The following GPC6 variants were observed in gnomAD, a reference collection of about 807,000 sequenced individuals.
The protein encoded by GPC6 is glypican 6, also known as glypican-6.
A neutral mutation model predicts 55.2 loss-of-function variants in GPC6; 14 were observed. The ratio of observed to expected loss-of-function variants is 0.25; its 90% CI spans 0.17 to 0.40. The LOEUF (loss-of-function observed/expected upper bound fraction) is 0.40, where lower values mean the gene tolerates loss of function less well. GPC6 is among the 10% of genes least tolerant of loss of function. The pLI, the probability that GPC6 is intolerant of heterozygous loss-of-function variation, is 1.00. For synonymous variants in GPC6, 278 were observed against 259.6 expected (o/e 1.07, Z -0.68); for missense variants, 641 against 708.5 (o/e 0.90, Z 1.08).
chr13:94,220,969 A>G (rs1890365790), intron 4 of GPC6, among the ~76,000 whole-genome samples: 1 of 152,132 alleles, frequency 6.6e-6, no homozygotes, highest in Non-Finnish European at 1.5e-5. Context: ...AAGCCATAAC[A>G]GACTCTTATG....
intron 2 of GPC6, among the ~76,000 whole-genome samples, chr13:93,803,468 C>T (rs1886442054): frequency 6.6e-6 from 1 of 152,116 alleles, no homozygotes; most frequent in Non-Finnish European, 1.5e-5. Flanking sequence ...AATTAAAGCC[C>T]TTATACATTG....
intron 1 of GPC6, among the ~76,000 whole-genome samples, chr13:93,393,125 TATAGAGAGAGAGAGAGAGAG>T (rs1375953588): frequency 1.2e-4 from 12 of 96,736 alleles, no homozygotes. Flanking sequence ...TATATATATA[TATAGAGAGAGAGAGAGAGAG>T]AGAGAGAGAG....
intron 2 of GPC6, among the ~76,000 whole-genome samples, chr13:93,751,387 C>T (rs1340908829): frequency 6.6e-6 from 1 of 151,790 alleles, no homozygotes; most frequent in Non-Finnish European, 1.5e-5. Flanking sequence ...CAGTTTCTCT[C>T]CCATGATTGT....
At chr13:94,324,432 TA>T (rs924794167) in intron 6 of GPC6, among the ~76,000 whole-genome samples, 7 of 152,050 alleles carry the variant, frequency 4.6e-5, no homozygotes, top group African/African-American at 1.2e-4. Context: ...ATAGCCTTTT[TA>T]AAAAAACTCC....
intron 1 of GPC6, among the ~76,000 whole-genome samples, chr13:93,363,137 T>A (rs556735432): frequency 0.017 from 2,470 of 141,414 alleles, 64 homozygotes; most frequent in African/African-American, 0.067. Flanking sequence ...TTGTTTTTTT[T>A]AAAATTATTA....
At chr13:93,689,542 G>A (rs1480226265) in intron 2 of GPC6, among the ~76,000 whole-genome samples, 6 of 152,150 alleles carry the variant, frequency 3.9e-5, no homozygotes, top group Non-Finnish European at 7.4e-5. Context: ...AAGCAACATA[G>A]GAAAGGCATT....
chr13:94,200,583 A>G (rs534377144), intron 4 of GPC6, among the ~76,000 whole-genome samples: 2 of 152,290 alleles, frequency 1.3e-5, no homozygotes, highest in African/African-American at 4.8e-5. Flanking sequence ...TGGTGTCTCT[A>G]TTCAAATAAA....
At chr13:93,705,931 A>C (rs1486162191) in intron 2 of GPC6, among the ~76,000 whole-genome samples, 4 of 151,674 alleles carry the variant, frequency 2.6e-5, no homozygotes, top group Non-Finnish European at 5.9e-5. Flanking sequence ...TAAACCAATG[A>C]AACATGAATA....
At chr13:93,553,539 C>CA (rs1307225432) in intron 2 of GPC6, among the ~76,000 whole-genome samples, 1 of 150,844 alleles carries the variant, frequency 6.6e-6, no homozygotes, top group Non-Finnish European at 1.5e-5. Flanking sequence ...AAAAAAAATA[C>CA]AAAAAATTAG....
intron 3 of GPC6, among the ~76,000 whole-genome samples, chr13:93,962,538 C>T (rs1467546393): frequency 6.6e-6 from 1 of 152,006 alleles, no homozygotes; most frequent in Non-Finnish European, 1.5e-5. Flanking sequence ...AGACTGAATA[C>T]AGAAACGAAT....
chr13:93,440,423 A>T (rs530821691), intron 1 of GPC6, among the ~76,000 whole-genome samples: 108 of 152,304 alleles, frequency 7.1e-4, no homozygotes, highest in African/African-American at 2.5e-3. Flanking sequence ...GTTATGGCTA[A>T]TCAAATTTCA....
intron 1 of GPC6, among the ~76,000 whole-genome samples, chr13:93,372,031 A>C (rs539281560): frequency 6.6e-6 from 1 of 152,220 alleles, no homozygotes; most frequent in South Asian, 2.1e-4. Flanking sequence ...CGATTGGCCT[A>C]TTTCTGAAGT....
chr13:94,041,695 T>C (rs1223721361), intron 4 of GPC6, among the ~76,000 whole-genome samples: 1 of 151,852 alleles, frequency 6.6e-6, no homozygotes, highest in African/African-American at 2.4e-5. Flanking sequence ...TAGAAGATTC[T>C]TACTTACCAG....
chr13:93,383,988 T>G (rs775130269), intron 1 of GPC6, among the ~76,000 whole-genome samples: 22 of 152,150 alleles, frequency 1.4e-4, no homozygotes, highest in Admixed American at 2.6e-4. Context: ...CAAATGCTAT[T>G]ATAATCTTGA....
intron 2 of GPC6, among the ~76,000 whole-genome samples, chr13:93,645,115 C>T (rs905352679): frequency 2.0e-5 from 3 of 152,096 alleles, no homozygotes; most frequent in East Asian, 1.9e-4. Context: ...AAGGGCATAG[C>T]CCCAGGGCCT....
chr13:93,324,103 A>G (rs12428967), intron 1 of GPC6, among the ~76,000 whole-genome samples: 10,629 of 152,266 alleles, frequency 0.07, 510 homozygotes, highest in East Asian at 0.12. Flanking sequence ...GTGGAGTACT[A>G]TTCAGCCATT....
intron 1 of GPC6, among the ~76,000 whole-genome samples, chr13:93,253,753 A>C (rs558240279): frequency 1.3e-5 from 2 of 152,322 alleles, no homozygotes; most frequent in East Asian, 3.9e-4. Flanking sequence ...GAGAAATGTC[A>C]GCTCTGGTTT....
At chr13:93,975,352 A>G (rs1265470832) in intron 3 of GPC6, among the ~76,000 whole-genome samples, 1 of 152,174 alleles carries the variant, frequency 6.6e-6, no homozygotes, top group Admixed American at 6.6e-5. Flanking sequence ...TTTATGCATT[A>G]GAGATCATAA....
chr13:93,217,781 C>A, the GPC6 span, among the ~76,000 whole-genome samples: 2 of 152,112 alleles, frequency 1.3e-5, no homozygotes, highest in African/African-American at 4.8e-5. Flanking sequence ...ACGAACATGC[C>A]GGTACATGTT....
Sources: gnomAD v4.1 joint callset for allele counts (sites outside exome capture counted in the v4.1 genomes callset) on GRCh38, gnomAD v4.1.1 for gene constraint, MANE v1.5 for transcripts, NCBI Gene and HGNC (gene_info 2026-07-23, HGNC 2026-07-21) for gene names.